Variants in SLC25A13 observed in about 807,000 individuals in gnomAD.
The protein encoded by SLC25A13 is electrogenic aspartate/glutamate antiporter SLC25A13, mitochondrial.
A neutral mutation model predicts 85.5 loss-of-function variants in SLC25A13; 70 were observed. The observed-to-expected ratio is 0.82, with a 90% CI of 0.68 to 1.00. SLC25A13 has a LOEUF of 1.00. SLC25A13 is among the 50% of genes least tolerant of loss of function. The probability of loss-of-function intolerance (pLI) is 0.00; values close to 1 mark genes in which losing one functional copy is unlikely to be tolerated. For missense variants in SLC25A13, 765 were observed against 819.8 expected (o/e 0.93, Z 0.82); for synonymous variants, 259 against 288.7 (o/e 0.90, Z 1.04).
chr7:96,250,504 C>T (rs1169121374), intron 3 of SLC25A13, among the ~76,000 whole-genome samples: 1 of 152,154 alleles, frequency 6.6e-6, no homozygotes, highest in Admixed American at 6.6e-5. Flanking sequence ...AATCCACCAA[C>T]ACTTTGGGAC....
At chr7:96,164,746 A>ACACACACACACACACACACACACAC (rs1554344473) in intron 13 of SLC25A13, among the ~76,000 whole-genome samples, 2 of 151,722 alleles carry the variant, frequency 1.3e-5, no homozygotes, top group African/African-American at 4.8e-5. Flanking sequence ...ACACACACAC[A>ACACACACACACACACACACACACAC]AAAGAAGCAG....
At chr7:96,315,841 T>C (rs1435274469) in intron 1 of SLC25A13, among the ~76,000 whole-genome samples, 1 of 152,016 alleles carries the variant, frequency 6.6e-6, no homozygotes, top group Non-Finnish European at 1.5e-5. Flanking sequence ...ATATATTTTA[T>C]CCTCAATGAC....
intron 1 of SLC25A13, among the ~76,000 whole-genome samples, chr7:96,307,025 C>T (rs1258211418): frequency 6.6e-6 from 1 of 152,068 alleles, no homozygotes; most frequent in African/African-American, 2.4e-5. Context: ...TTTTGTACTT[C>T]CTTCCCCTCA....
intron 11 of SLC25A13, among the ~76,000 whole-genome samples, chr7:96,183,388 A>G (rs1402506355): frequency 6.6e-6 from 1 of 152,154 alleles, no homozygotes; most frequent in Non-Finnish European, 1.5e-5. Flanking sequence ...TGCCAGTTTC[A>G]CCGTCCACCT....
intron 14 of SLC25A13, among the ~76,000 whole-genome samples, chr7:96,145,391 C>T (rs1792743091): frequency 6.6e-6 from 1 of 152,122 alleles, no homozygotes; most frequent in African/African-American, 2.4e-5. Context: ...ACTGAGGTCA[C>T]TTGCAAAACT....
intron 10 of SLC25A13, 101 bp downstream of exon 10, chr7:96,184,825 AG>A: frequency 9.9e-7 from 1 of 1,011,212 alleles, no homozygotes; most frequent in East Asian, 2.4e-5. Flanking sequence ...GCATTGGGAA[AG>A]ACTAGAGAAG....
At chr7:96,139,236 T>A (rs925005312) in intron 14 of SLC25A13, among the ~76,000 whole-genome samples, 3 of 151,730 alleles carry the variant, frequency 2.0e-5, no homozygotes, top group African/African-American at 2.4e-5. Flanking sequence ...AAAAGAAAAA[T>A]TTTTTTTTCA....
intron 3 of SLC25A13, among the ~76,000 whole-genome samples, chr7:96,260,299 G>A (rs538014853): frequency 6.6e-6 from 1 of 151,968 alleles, no homozygotes; most frequent in Non-Finnish European, 1.5e-5. Context: ...CAGAAACAAG[G>A]AAGCTACCAA....
At chr7:96,192,220 G>A (rs1448446444) in intron 6 of SLC25A13, among the ~76,000 whole-genome samples, 1 of 152,144 alleles carries the variant, frequency 6.6e-6, no homozygotes, top group Non-Finnish European at 1.5e-5. Context: ...TCCTGCCTAT[G>A]GTAAGCACTG....
chr7:96,316,256 G>C (rs897325229), intron 1 of SLC25A13, among the ~76,000 whole-genome samples: 3 of 152,132 alleles, frequency 2.0e-5, no homozygotes, highest in Non-Finnish European at 4.4e-5. Context: ...TGGGTAAATT[G>C]TATAGTACTT....
At chr7:96,258,385 T>C (rs1002570501) in intron 3 of SLC25A13, among the ~76,000 whole-genome samples, 4 of 152,180 alleles carry the variant, frequency 2.6e-5, no homozygotes, top group African/African-American at 9.7e-5. Context: ...GGATACAAAA[T>C]TCTTGTGCAA....
chr7:96,178,581 AT>A (rs946014168), intron 11 of SLC25A13, among the ~76,000 whole-genome samples: 2 of 151,924 alleles, frequency 1.3e-5, no homozygotes, highest in Non-Finnish European at 2.9e-5. Flanking sequence ...CCGATGTCAA[AT>A]TCTTACCCTT....
At chr7:96,321,873 G>T (rs1584623124) in intron 1 of SLC25A13, 69 bp downstream of exon 1, 1 of 1,475,332 alleles carries the variant, frequency 6.8e-7, no homozygotes, top group Non-Finnish European at 9.0e-7. Flanking sequence ...ACACGTGAGC[G>T]CCCGAGCCTC....
chr7:96,150,373 AG>A (rs1792985751), intron 13 of SLC25A13, among the ~76,000 whole-genome samples: 1 of 152,156 alleles, frequency 6.6e-6, no homozygotes. Context: ...TGGGGTATTA[AG>A]GTGTTGCTTT....
intron 3 of SLC25A13, among the ~76,000 whole-genome samples, chr7:96,253,392 T>G (rs1238450587): frequency 6.6e-6 from 1 of 152,138 alleles, no homozygotes; most frequent in Non-Finnish European, 1.5e-5. Context: ...CCCTGGAGTT[T>G]ATTTCACTGG....
At chr7:96,256,056 A>G (rs986840594) in intron 3 of SLC25A13, among the ~76,000 whole-genome samples, 21 of 152,200 alleles carry the variant, frequency 1.4e-4, no homozygotes, top group African/African-American at 4.1e-4. Flanking sequence ...GGCCGGCCTT[A>G]CAAGAACTCC....
intron 4 of SLC25A13, among the ~76,000 whole-genome samples, chr7:96,212,593 G>A (rs996189694): frequency 6.6e-5 from 10 of 152,136 alleles, no homozygotes; most frequent in Non-Finnish European, 1.0e-4. Context: ...TTTCAATGGC[G>A]ATCAATGGCA....
intron 11 of SLC25A13, among the ~76,000 whole-genome samples, chr7:96,179,859 A>G (rs753847074): frequency 4.6e-5 from 7 of 152,232 alleles, no homozygotes; most frequent in Non-Finnish European, 7.3e-5. Context: ...TTGGTGCCAG[A>G]ATTTTAAAGT....
At chr7:96,237,762 A>G (rs1796798654) in intron 3 of SLC25A13, among the ~76,000 whole-genome samples, 1 of 152,210 alleles carries the variant, frequency 6.6e-6, no homozygotes, top group South Asian at 2.1e-4. Flanking sequence ...TTGGAGGCCA[A>G]GGCCAAGGAA....
Sources: allele counts gnomAD v4.1 joint callset (sites outside exome capture counted in the v4.1 genomes callset), GRCh38; gene constraint gnomAD v4.1.1; transcripts MANE v1.5; gene names NCBI Gene and HGNC (gene_info 2026-07-23, HGNC 2026-07-21).